The following CLASP1 variants were observed in gnomAD, a reference collection of about 807,000 sequenced individuals.
CLASP1 encodes CLIP-associating protein 1.
CLASP1 carries 38 observed loss-of-function variants against 192.3 expected under a neutral mutation model. That is an observed-to-expected ratio of 0.20 (90% confidence interval 0.15 to 0.26). CLASP1 has a LOEUF of 0.26. CLASP1 is among the 10% of genes least tolerant of loss of function. The probability of loss-of-function intolerance (pLI) is 1.00; values close to 1 mark genes in which losing one functional copy is unlikely to be tolerated. For synonymous variants in CLASP1, 691 were observed against 712.8 expected, an observed-to-expected ratio of 0.97 and a Z score of 0.49; for missense variants, 1,433 against 1,932.5, an observed-to-expected ratio of 0.74 and a Z score of 4.85.
chr2:121,605,392 C>T (rs769815993), intron 2 of CLASP1, among the ~76,000 whole-genome samples: 28 of 152,194 alleles, frequency 1.8e-4, no homozygotes, highest in Non-Finnish European at 3.5e-4. Flanking sequence ...TGCTGCAAAA[C>T]ATAATATACA....
At chr2:121,386,949 C>A (rs1472299860) in intron 32 of CLASP1, among the ~76,000 whole-genome samples, 173 bp downstream of exon 33, 1 of 152,152 alleles carries the variant, frequency 6.6e-6, no homozygotes, top group Non-Finnish European at 1.5e-5. Flanking sequence ...GAAGTTAACC[C>A]CTTTGCATAA....
intron 1 of CLASP1, among the ~76,000 whole-genome samples, chr2:121,613,953 C>T (rs2066034742): frequency 6.6e-6 from 1 of 152,200 alleles, no homozygotes; most frequent in Non-Finnish European, 1.5e-5. Context: ...TTTACTGCAG[C>T]TGAAGGCTCT....
intron 28 of CLASP1, among the ~76,000 whole-genome samples, chr2:121,399,176 C>T (rs2075778016): frequency 6.6e-6 from 1 of 152,148 alleles, no homozygotes; most frequent in Non-Finnish European, 1.5e-5. Flanking sequence ...GTAGGTTTGA[C>T]TCTGTAAAAT....
chr2:121,630,253 T>C (rs1039393415), intron 1 of CLASP1, among the ~76,000 whole-genome samples: 1 of 152,120 alleles, frequency 6.6e-6, no homozygotes, highest in African/African-American at 2.4e-5. Flanking sequence ...AATCATACTC[T>C]ATCCAATAAA....
At chr2:121,364,979 A>T in intron 36 of CLASP1, 115 bp downstream of exon 37, 1 of 928,482 alleles carries the variant, frequency 1.1e-6, no homozygotes, top group Non-Finnish European at 1.7e-6. Context: ...AAATGTTTTG[A>T]TGTAAACAGT....
intron 19 of CLASP1, among the ~76,000 whole-genome samples, chr2:121,435,215 G>A (rs995804064): frequency 1.3e-5 from 2 of 152,128 alleles, no homozygotes; most frequent in African/African-American, 4.8e-5. Context: ...AATCAAGTAT[G>A]ACAATCTTTC....
chr2:121,497,478 TGTACCAAGATCTGTATA>T (rs1274669225), intron 8 of CLASP1, among the ~76,000 whole-genome samples: 7 of 152,212 alleles, frequency 4.6e-5, no homozygotes, highest in Admixed American at 2.6e-4. Flanking sequence ...GTTCCAATCC[TGTACCAAGATCTGTATA>T]GGAGACAAAC....
chr2:121,531,033 T>G (rs142168851), intron 2 of CLASP1: 2 of 699,928 alleles, frequency 2.9e-6, no homozygotes. Context: ...CATAGACTTA[T>G]CAGTTCAAAC....
chr2:121,607,916 C>T (rs1016578403), intron 1 of CLASP1, among the ~76,000 whole-genome samples: 4 of 152,098 alleles, frequency 2.6e-5, no homozygotes, highest in African/African-American at 9.7e-5. Context: ...ATGAGGAAAA[C>T]CCTCCTTCAA....
chr2:121,396,782 G>A (rs1001464313), intron 30 of CLASP1, among the ~76,000 whole-genome samples: 2 of 152,066 alleles, frequency 1.3e-5, no homozygotes, highest in Non-Finnish European at 2.9e-5. Context: ...CACATTTTAC[G>A]ATCAGGGACC....
At chr2:121,400,351 G>C (rs1175716726) in intron 28 of CLASP1, among the ~76,000 whole-genome samples, 1 of 152,148 alleles carries the variant, frequency 6.6e-6, no homozygotes, top group Non-Finnish European at 1.5e-5. Context: ...ACAGGGTCAA[G>C]GGCCAAAAGA....
In CLASP1 at chr2:121,401,864, T is replaced by C; in HGVS notation, c.2736+4A>G. The C allele has an allele frequency of 1.4e-6, 1 of 737,692 alleles. No homozygotes were observed. Among genetic ancestry groups the C allele is most frequent in the South Asian group, 1.4e-5 (1 of 73,218 alleles). 45.7% of individuals were successfully genotyped at this position (737,692 alleles called of 1,614,324 possible). A position where few individuals can be genotyped will look rare whatever the true frequency, so the allele number is the denominator to read the frequency against. ...CAGATAAAGGAAAAAGAAATGGAACTTACTCTCTGTTGTGAATTCCACCGC... is the reference window on the plus strand; with the variant it reads ...CAGATAAAGGAAAAAGAAATGGAACCTACTCTCTGTTGTGAATTCCACCGC... On this transcript the variant is annotated splice_donor_region_variant and intron_variant, in intron 27 of 39. Transcript: ENST00000263710.
chr2:121,401,510 T>C (rs765985794), exon 28 of CLASP1: 2 of 1,607,978 alleles, frequency 1.2e-6, no homozygotes, highest in Non-Finnish European at 1.7e-6. Context: ...AACACTTACC[T>C]TGTGACATCT....
chr2:121,362,532 C>T (rs976769643), intron 37 of CLASP1, among the ~76,000 whole-genome samples: 1 of 152,194 alleles, frequency 6.6e-6, no homozygotes. Flanking sequence ...GTGGAAGAGG[C>T]ACAGCAGGGC....
intron 16 of CLASP1, among the ~76,000 whole-genome samples, chr2:121,450,326 A>C (rs1316747605): frequency 6.6e-6 from 1 of 151,366 alleles, no homozygotes; most frequent in Non-Finnish European, 1.5e-5. Context: ...ATGAGACTCT[A>C]TCTCAAAAAA....
chr2:121,591,113 G>A (rs775362523), intron 2 of CLASP1, among the ~76,000 whole-genome samples: 2 of 152,148 alleles, frequency 1.3e-5, no homozygotes, highest in African/African-American at 2.4e-5. Context: ...TGATCCGCCC[G>A]CTTCGGCCTC....
chr2:121,493,745 G>GA (rs34359995), intron 8 of CLASP1, among the ~76,000 whole-genome samples: 30,367 of 148,092 alleles, frequency 0.21, 5,626 homozygotes, highest in African/African-American at 0.5. Flanking sequence ...CAACTCAATA[G>GA]AAAAAAAAAA....
intron 5 of CLASP1, among the ~76,000 whole-genome samples, chr2:121,526,710 G>A (rs2094583521): frequency 6.6e-6 from 1 of 151,982 alleles, no homozygotes; most frequent in African/African-American, 2.4e-5. Flanking sequence ...TACAGGTTAG[G>A]ATAAAATGCA....
chr2:121,582,918 T>A (rs1315367801), intron 2 of CLASP1, among the ~76,000 whole-genome samples: 1 of 152,002 alleles, frequency 6.6e-6, no homozygotes, highest in African/African-American at 2.4e-5. Context: ...CCCAAGCAGC[T>A]GGGACTACAG....
Sources: allele counts gnomAD v4.1 joint callset (sites outside exome capture counted in the v4.1 genomes callset), GRCh38; gene constraint gnomAD v4.1.1; transcripts MANE v1.5; gene names NCBI Gene and HGNC (gene_info 2026-07-23, HGNC 2026-07-21).